ZFYVE9: variants seen among roughly 807,000 people sequenced by gnomAD.
ZFYVE9 encodes zinc finger FYVE domain-containing protein 9.
A neutral mutation model predicts 126.7 loss-of-function variants in ZFYVE9; 43 were observed. The ratio of observed to expected loss-of-function variants is 0.34; its 90% CI spans 0.27 to 0.44. ZFYVE9 has a LOEUF of 0.44. Among genes scored for constraint, ZFYVE9 ranks in the 20% least tolerant of loss-of-function variants. ZFYVE9 has a pLI of 1.00. For synonymous variants in ZFYVE9, 521 were observed against 597.4 expected (o/e 0.87, Z 1.87); for missense variants, 1,476 against 1,697.0 (o/e 0.87, Z 2.29).
intron 4 of ZFYVE9, among the ~76,000 whole-genome samples, chr1:52,263,250 G>A (rs967838299): frequency 1.1e-4 from 17 of 152,194 alleles, no homozygotes; most frequent in African/African-American, 2.9e-4. Flanking sequence ...AAAGCAGTGC[G>A]TTTGTTTATG....
At chr1:52,250,483 G>A (rs1438884083) in intron 4 of ZFYVE9, among the ~76,000 whole-genome samples, 2 of 152,022 alleles carry the variant, frequency 1.3e-5, no homozygotes, top group Non-Finnish European at 2.9e-5. Context: ...AAACTTTGCC[G>A]CATTTATTAG....
intron 2 of ZFYVE9, among the ~76,000 whole-genome samples, chr1:52,232,728 C>CAAAAAAAAA (rs552213191): frequency 4.4e-4 from 12 of 27,352 alleles, no homozygotes; most frequent in African/African-American, 1.2e-3. Flanking sequence ...GACTCTGTCT[C>CAAAAAAAAA]AAAAAAAAAA....
intron 10 of ZFYVE9, among the ~76,000 whole-genome samples, chr1:52,288,074 A>G (rs7535847): frequency 0.039 from 5,864 of 152,250 alleles, 290 homozygotes; most frequent in African/African-American, 0.12. Context: ...GCTAAGCAGT[A>G]TATTCATTGC....
At chr1:52,227,250 C>CT (rs1248615164) in intron 2 of ZFYVE9, among the ~76,000 whole-genome samples, 1 of 152,264 alleles carries the variant, frequency 6.6e-6, no homozygotes, top group Non-Finnish European at 1.5e-5. Context: ...CACCAAAACT[C>CT]TGAGTCTGCA....
chr1:52,258,092 A>G (rs1645540018), intron 4 of ZFYVE9, among the ~76,000 whole-genome samples: 1 of 152,230 alleles, frequency 6.6e-6, no homozygotes, highest in Non-Finnish European at 1.5e-5. Flanking sequence ...ATATTTACTG[A>G]GTACTATGTT....
Position 52,318,366 on chromosome 1 carries a change from T to TTGTG in ZFYVE9, c.3439-14399_3439-14398insGTGT, listed in dbSNP as rs1304231453. On this transcript the variant is annotated intron_variant, in intron 13 of 18. Coordinates refer to ENST00000287727, the MANE Select transcript of ZFYVE9 (RefSeq NM_004799.4). ...CCATTCAAGATTAGAGAGAGCATGA[T>TTGTG]TGTATGTGTGTGTGTGTGTGTGTGT... is the stretch of plus-strand genomic sequence containing the variant. Among the ~76,000 whole-genome samples, 395 of 83,990 alleles carry TTGTG rather than the reference T, an allele frequency of 4.7e-3. 1 individual carries two copies. The highest frequency in any genetic ancestry group is 0.016 in the African/African-American group (385 of 23,798). The allele number at this position is 83,990 out of a possible 152,430, so 55.1% of individuals were successfully genotyped here. A position where few individuals can be genotyped will look rare whatever the true frequency, so the allele number is the denominator to read the frequency against.
At position 52,237,978 on chromosome 1, in the gene ZFYVE9, T is replaced by C; in HGVS notation, c.561T>C (p.Asn187=). Residue 187 remains asparagine (N), a synonymous_variant, in exon 4 of 19, where the codon AAT becomes AAC. Coordinates refer to ENST00000287727, the MANE Select transcript of ZFYVE9 (RefSeq NM_004799.4). ...LMDAFSCSLD[N]ENRQTDQFSF... ...ATGCTTTTAGCTGTTCACTGGATAA[T>C]GAAAACAGACAAACTGATCAATTTA... 1.9e-6 allele frequency: 3 copies of C among 1,614,028 alleles called. No homozygotes were observed. Among genetic ancestry groups the C allele is most frequent in the Non-Finnish European group, 2.5e-6 (3 of 1,179,952 alleles).
intron 12 of ZFYVE9, among the ~76,000 whole-genome samples, chr1:52,301,131 A>C (rs576557648): frequency 9.5e-4 from 144 of 152,038 alleles, no homozygotes; most frequent in African/African-American, 3.4e-3. Context: ...AAGTGCTGGG[A>C]TTACAGGTGT....
At chr1:52,165,475 T>A (rs561996634) in intron 1 of ZFYVE9, among the ~76,000 whole-genome samples, 1 of 152,196 alleles carries the variant, frequency 6.6e-6, no homozygotes, top group South Asian at 2.1e-4. Flanking sequence ...CATGCATGTG[T>A]GTGTATATAG....
In ZFYVE9 at chr1:52,297,694, CT is replaced by C. The variant is rs898800531; in HGVS notation, c.3333+1728del. ...GCTTAAAAGCTATATTTCCAGTTAT[CT>C]TTTTTTTTTTATTTCTTTAAAAAAT... On this transcript the variant is annotated intron_variant, in intron 12 of 18. Transcript: ENST00000287727. Among the ~76,000 whole-genome samples, 788 of 146,756 alleles carry C rather than the reference CT, an allele frequency of 5.4e-3. 6 individuals are homozygous for C. Among genetic ancestry groups the C allele is most frequent in the African/African-American group, 0.017 (685 of 40,268 alleles).
At chr1:52,302,705 T>G (rs950633348) in intron 12 of ZFYVE9, among the ~76,000 whole-genome samples, 11 of 151,334 alleles carry the variant, frequency 7.3e-5, no homozygotes, top group African/African-American at 2.7e-4. Flanking sequence ...GAGCCAAGAT[T>G]GCGCCACTGC....
At chr1:52,253,560 C>T in intron 4 of ZFYVE9, 2 of 806,214 alleles carry the variant, frequency 2.5e-6, no homozygotes, top group South Asian at 1.5e-5. Context: ...GTGGGAGTGG[C>T]ACAGAGCTGC....
At chr1:52,168,972 T>C (rs1644539395) in intron 1 of ZFYVE9, among the ~76,000 whole-genome samples, 1 of 152,174 alleles carries the variant, frequency 6.6e-6, no homozygotes, top group Non-Finnish European at 1.5e-5. Flanking sequence ...TGCTACTCTT[T>C]CCCTCCCTTA....
intron 4 of ZFYVE9, among the ~76,000 whole-genome samples, chr1:52,251,288 CT>C (rs1409125341): frequency 1.3e-5 from 2 of 151,892 alleles, no homozygotes; most frequent in Non-Finnish European, 2.9e-5. Context: ...GCCAGGCTAG[CT>C]TTCGGTCTTT....
chr1:52,303,496 C>A (rs926971040), intron 12 of ZFYVE9, among the ~76,000 whole-genome samples: 2 of 152,154 alleles, frequency 1.3e-5, no homozygotes, highest in Non-Finnish European at 2.9e-5. Context: ...TTTGTACTCT[C>A]TTGGAGCTTC....
intron 4 of ZFYVE9, among the ~76,000 whole-genome samples, chr1:52,249,645 A>T (rs1216999421): frequency 1.3e-5 from 2 of 151,966 alleles, no homozygotes; most frequent in Non-Finnish European, 2.9e-5. Flanking sequence ...TCCAACTTAC[A>T]TTTTCTTTTG....
At chr1:52,183,277 A>G (rs1411771834) in intron 1 of ZFYVE9, among the ~76,000 whole-genome samples, 1 of 143,818 alleles carries the variant, frequency 7.0e-6, no homozygotes, top group African/African-American at 3.0e-5. Flanking sequence ...TAATTAACGT[A>G]TATATTGGGA....
At chr1:52,182,135 A>AG (rs1159612103) in intron 1 of ZFYVE9, among the ~76,000 whole-genome samples, 1 of 150,642 alleles carries the variant, frequency 6.6e-6, no homozygotes, top group Non-Finnish European at 1.5e-5. Context: ...GTGGGGGGTC[A>AG]GCCCCCCGCC....
intron 10 of ZFYVE9, 126 bp from the exon 11 acceptor site, chr1:52,293,327 C>G (rs1645941144): frequency 2.6e-6 from 2 of 770,268 alleles, no homozygotes; most frequent in Non-Finnish European, 3.8e-6. Flanking sequence ...TGCAGTGAGC[C>G]AAGATTGCGC....
Sources: allele counts gnomAD v4.1 joint callset (sites outside exome capture counted in the v4.1 genomes callset), GRCh38; gene constraint gnomAD v4.1.1; transcripts MANE v1.5; gene names NCBI Gene and HGNC (gene_info 2026-07-23, HGNC 2026-07-21).